PTPRT: variants seen among roughly 807,000 people sequenced by gnomAD.
PTPRT encodes the protein receptor-type tyrosine-protein phosphatase T.
A neutral mutation model predicts 176.8 loss-of-function variants in PTPRT; 56 were observed. The observed-to-expected ratio is 0.32, with a 90% confidence interval of 0.26 to 0.40. The LOEUF (loss-of-function observed/expected upper bound fraction) is 0.40. Ranked by LOEUF, PTPRT falls within the 10% of genes least tolerant of loss-of-function variation. PTPRT has a pLI of 1.00. For missense variants in PTPRT, 1,540 were observed against 1,908.2 expected (o/e 0.81, Z 3.60); for synonymous variants, 783 against 739.0 (o/e 1.06, Z -0.96).
chr20:42,684,056 G>C (rs935341673), intron 6 of PTPRT, among the ~76,000 whole-genome samples: 1 of 152,118 alleles, frequency 6.6e-6, no homozygotes, highest in Non-Finnish European at 1.5e-5. Flanking sequence ...GTGCCAATCA[G>C]AATTAGTCTT....
At chr20:42,899,665 A>G (rs2079366770) in intron 1 of PTPRT, among the ~76,000 whole-genome samples, 1 of 152,224 alleles carries the variant, frequency 6.6e-6, no homozygotes, top group African/African-American at 2.4e-5. Context: ...GGAAGTGTGC[A>G]TCCCTTTTAT....
chr20:43,017,278 C>A (rs1016922650), intron 1 of PTPRT, among the ~76,000 whole-genome samples: 2 of 152,126 alleles, frequency 1.3e-5, no homozygotes, highest in Non-Finnish European at 2.9e-5. Flanking sequence ...TGATTACATT[C>A]TGTGTAAAGG....
chr20:42,188,933 G>A (rs760755698), intron 16 of PTPRT, among the ~76,000 whole-genome samples: 3 of 152,174 alleles, frequency 2.0e-5, no homozygotes, highest in Non-Finnish European at 2.9e-5. Context: ...AATGCACTCT[G>A]CTTATCTACA....
At chr20:42,219,959 G>A (rs546769879) in intron 15 of PTPRT, among the ~76,000 whole-genome samples, 45 of 152,134 alleles carry the variant, frequency 3.0e-4, no homozygotes, top group East Asian at 5.8e-4. Context: ...CTAACACATC[G>A]TTCATGCAGT....
chr20:42,525,194 C>T (rs1333588486), intron 7 of PTPRT, among the ~76,000 whole-genome samples: 1 of 152,106 alleles, frequency 6.6e-6, no homozygotes. Flanking sequence ...CCCTATGTTG[C>T]CCAGGCTGGT....
chr20:42,565,094 G>C (rs955591258), intron 7 of PTPRT, among the ~76,000 whole-genome samples: 3 of 152,094 alleles, frequency 2.0e-5, no homozygotes, highest in African/African-American at 7.2e-5. Flanking sequence ...CTTCGTGTTA[G>C]AGCTGGGACA....
chr20:42,538,829 T>C (rs1001528986), intron 7 of PTPRT, among the ~76,000 whole-genome samples: 3 of 152,150 alleles, frequency 2.0e-5, no homozygotes, highest in Non-Finnish European at 2.9e-5. Context: ...ACTCTCCACA[T>C]TGGACACATT....
At chr20:43,058,817 T>A (rs1332798259) in intron 1 of PTPRT, among the ~76,000 whole-genome samples, 1 of 116,738 alleles carries the variant, frequency 8.6e-6, no homozygotes, top group African/African-American at 3.2e-5. Flanking sequence ...GAAAACCTTA[T>A]TTTTTTTTCA....
chr20:42,440,055 C>T (rs528924514), intron 9 of PTPRT, among the ~76,000 whole-genome samples: 16 of 152,178 alleles, frequency 1.1e-4, no homozygotes, highest in African/African-American at 2.9e-4. Flanking sequence ...TACAGGCATG[C>T]GCCACCACAA....
intron 5 of PTPRT, among the ~76,000 whole-genome samples, chr20:42,764,128 A>G (rs1247432283): frequency 6.6e-6 from 1 of 152,138 alleles, no homozygotes; most frequent in Non-Finnish European, 1.5e-5. Context: ...GGGCAGTAAG[A>G]TTTTTGTGGA....
intron 6 of PTPRT, among the ~76,000 whole-genome samples, chr20:42,724,593 C>A (rs2076350516): frequency 6.6e-6 from 1 of 152,178 alleles, no homozygotes; most frequent in Non-Finnish European, 1.5e-5. Flanking sequence ...CTGGCTGCCT[C>A]CTCATTCCTC....
chr20:42,126,026 G>A (rs7268171), intron 19 of PTPRT, among the ~76,000 whole-genome samples: 4 of 134,276 alleles, frequency 3.0e-5, no homozygotes, highest in Non-Finnish European at 4.7e-5. Flanking sequence ...GTCTGGGAGT[G>A]GGGGGGGGGA....
chr20:42,544,070 T>C (rs1277715338), intron 7 of PTPRT, among the ~76,000 whole-genome samples: 1 of 152,120 alleles, frequency 6.6e-6, no homozygotes. Context: ...AGCACAGTCT[T>C]CAACTCAAGA....
At chr20:43,078,639 C>G (rs1170806703) in intron 1 of PTPRT, among the ~76,000 whole-genome samples, 1 of 152,206 alleles carries the variant, frequency 6.6e-6, no homozygotes, top group Non-Finnish European at 1.5e-5. Flanking sequence ...CAACAAAAAT[C>G]TAACTCAAAC....
At chr20:43,041,031 C>A (rs1215826754) in intron 1 of PTPRT, among the ~76,000 whole-genome samples, 1 of 152,218 alleles carries the variant, frequency 6.6e-6, no homozygotes, top group Non-Finnish European at 1.5e-5. Flanking sequence ...CACCCCAGAC[C>A]TACTAAATCA....
At chr20:42,643,140 G>A (rs1200725675) in intron 7 of PTPRT, among the ~76,000 whole-genome samples, 1 of 152,044 alleles carries the variant, frequency 6.6e-6, no homozygotes, top group Non-Finnish European at 1.5e-5. Flanking sequence ...TTGTTACGCA[G>A]CATTATTATG....
intron 17 of PTPRT, among the ~76,000 whole-genome samples, chr20:42,155,083 G>A (rs772920753): frequency 6.6e-6 from 1 of 152,154 alleles, no homozygotes; most frequent in Non-Finnish European, 1.5e-5. Flanking sequence ...CACATCAACC[G>A]GAGGGCTTAG....
chr20:42,356,209 G>A (rs887505603), intron 9 of PTPRT, among the ~76,000 whole-genome samples: 5 of 152,072 alleles, frequency 3.3e-5, no homozygotes, highest in South Asian at 2.1e-4. Context: ...ATTTATAAGC[G>A]GGGAAAACGG....
At chr20:42,692,592 T>C (rs1393937999) in intron 6 of PTPRT, among the ~76,000 whole-genome samples, 2 of 152,170 alleles carry the variant, frequency 1.3e-5, no homozygotes, top group African/African-American at 4.8e-5. Flanking sequence ...TCATAATCAA[T>C]GGTAAAATAC....
Sources: gnomAD v4.1 joint callset for allele counts (sites outside exome capture counted in the v4.1 genomes callset) on GRCh38, gnomAD v4.1.1 for gene constraint, MANE v1.5 for transcripts, NCBI Gene and HGNC (gene_info 2026-07-23, HGNC 2026-07-21) for gene names.